The following DUXB variants were observed in gnomAD, a reference collection of about 807,000 sequenced individuals.
The protein encoded by DUXB is double homeobox B.
DUXB carries 22 observed loss-of-function variants against 8.9 expected under a neutral mutation model. The ratio of observed to expected loss-of-function variants is 2.46; its 90% confidence interval spans 1.76 to 3.52. DUXB has a LOEUF of 3.52. Among genes scored for constraint, DUXB ranks in the 30% most tolerant of loss-of-function variants. The pLI is 0.00. For synonymous variants in DUXB, 84 were observed against 37.6 expected (o/e 2.23, Z -4.52); for missense variants, 237 against 108.7 (o/e 2.18, Z -5.25).
chr16:75,698,136 A>G (rs1959194617), intron 2 of DUXB, among the ~76,000 whole-genome samples: 1 of 152,250 alleles, frequency 6.6e-6, no homozygotes, highest in Non-Finnish European at 1.5e-5. Flanking sequence ...AACAAGTGAA[A>G]AAAGTATAAA....
chr16:75,695,849 T>C, intron 4 of DUXB, 112 bp downstream of exon 4: 2 of 623,778 alleles, frequency 3.2e-6, no homozygotes, highest in Non-Finnish European at 5.7e-6. Context: ...CATCCCCCGT[T>C]TCCGCCCTTG....
chr16:75,695,999 G>GT lies in DUXB; in HGVS notation c.402dup (p.Leu135ThrfsTer3), dbSNP rs1567521621. 2.8e-6 allele frequency: 2 copies of GT among 702,828 alleles called. No homozygotes were observed. The highest frequency in any genetic ancestry group is 5.2e-6 in the Non-Finnish European group (2 of 384,998). 43.5% of individuals were successfully genotyped at this position (702,828 alleles called of 1,614,324 possible). A position where few individuals can be genotyped will look rare whatever the true frequency, so the allele number is the denominator to read the frequency against. Reference sequence around the variant, plus strand: ...TCCTGCAGGCCTGTTTGTTCAGCCAGTTTTTTTCTGGTAGCAATATCAGGG... The same window carrying GT: ...TCCTGCAGGCCTGTTTGTTCAGCCAGTTTTTTTTCTGGTAGCAATATCAGGG... On this transcript the variant is annotated frameshift_variant, in exon 4 of 5. Transcript: ENST00000633875. LOFTEE classifies it low-confidence loss of function (END_TRUNC).
chr16:75,700,850 A>C (rs1959206434), intron 1 of DUXB, among the ~76,000 whole-genome samples: 1 of 152,156 alleles, frequency 6.6e-6, no homozygotes, highest in South Asian at 2.1e-4. Context: ...ATAGAGCTAA[A>C]GTCATGCTAA....
intron 4 of DUXB, among the ~76,000 whole-genome samples, chr16:75,695,195 T>C (rs1262687463): frequency 1.2e-4 from 18 of 152,186 alleles, no homozygotes; most frequent in Non-Finnish European, 8.8e-5. Flanking sequence ...AGTTAGCAAT[T>C]AAGTATAGGT....
At chr16:75,699,929 T>C (rs1268709686) in intron 2 of DUXB, 86 bp downstream of exon 2, 3 of 579,036 alleles carry the variant, frequency 5.2e-6, no homozygotes, top group Non-Finnish European at 9.2e-6. Context: ...TATAACCTGA[T>C]ATAAGAGAAT....
In DUXB at chr16:75,696,838, C is replaced by G; in HGVS notation, c.286G>C (p.Glu96Gln). The G allele has an allele frequency of 1.4e-6, 1 of 702,558 alleles. No individual in the cohort carries two copies. The highest frequency in any genetic ancestry group is 2.6e-6 in the Non-Finnish European group (1 of 384,902). 43.5% of individuals were successfully genotyped at this position (702,558 alleles called of 1,614,324 possible). ...GHDQSQHLTQ[E>Q]YLPKEARQKQ... ...AATGGGACCCATTGAGCATTCTTAC[C>G]TTGAGTCAGATGCTGGGACTGGTCA... Residue 96 changes from glutamate (E) to glutamine (Q), a missense_variant and splice_region_variant, in exon 3 of 5, where the codon GAA (glutamate) becomes CAA (glutamine). Physicochemically the swap from Glu to Gln is conservative, Grantham distance 29 (BLOSUM62 2). Coordinates refer to ENST00000633875, the MANE Select transcript of DUXB (RefSeq NM_001351307.2).
At chr16:75,700,256 A>T in intron 1 of DUXB, 87 bp from the exon 2 acceptor site, 1 of 598,076 alleles carries the variant, frequency 1.7e-6, no homozygotes. Flanking sequence ...TTATTTTGAG[A>T]CAGAGTCTCA....
Position 75,694,526 on chromosome 16 carries a change from C to G in DUXB, c.442-1G>C, listed in dbSNP as rs1047513069. 1.4e-6 allele frequency: 1 copy of G among 702,894 alleles called. No homozygotes were observed. The highest frequency in any genetic ancestry group is 2.0e-5 in the Admixed American group (1 of 49,992). 43.5% of individuals were successfully genotyped at this position (702,894 alleles called of 1,614,324 possible). A position where few individuals can be genotyped will look rare whatever the true frequency, so the allele number is the denominator to read the frequency against. On this transcript the variant is annotated splice_acceptor_variant, in intron 4 of 4. Coordinates refer to ENST00000633875, the MANE Select transcript of DUXB (RefSeq NM_001351307.2). LOFTEE classifies it high-confidence loss of function. ...GAGATCTTTGTTTCTGAAACCACAT[C>G]TAAATGAGAAAAAGGGCAACATGAC...
chr16:75,697,209 C>G (rs1225687468), intron 2 of DUXB, among the ~76,000 whole-genome samples: 1 of 152,130 alleles, frequency 6.6e-6, no homozygotes, highest in Non-Finnish European at 1.5e-5. Context: ...TTAGGAGACC[C>G]TATGAGGTCT....
intron 2 of DUXB, chr16:75,698,496 T>C (rs1034667775): frequency 3.3e-5 from 5 of 152,266 alleles, no homozygotes; most frequent in Admixed American, 6.5e-5. Flanking sequence ...GATAGAATTA[T>C]ATTCTTTACA....
chr16:75,696,176 A>G (rs1361835392), intron 3 of DUXB, 61 bp from the exon 4 acceptor site: 3 of 691,350 alleles, frequency 4.3e-6, no homozygotes, highest in Non-Finnish European at 7.9e-6. Flanking sequence ...AAACAAACCC[A>G]TGAAGATAAT....
chr16:75,696,581 A>G (rs2082609168), intron 3 of DUXB, among the ~76,000 whole-genome samples: 1 of 152,154 alleles, frequency 6.6e-6, no homozygotes, highest in Non-Finnish European at 1.5e-5. Context: ...AAAAAAATAA[A>G]AAGCCCCGAG....
intron 2 of DUXB, among the ~76,000 whole-genome samples, chr16:75,698,154 GCAGAGGTAACCTC>G (rs1959194729): frequency 1.3e-5 from 2 of 152,152 alleles, no homozygotes; most frequent in Admixed American, 1.3e-4. Flanking sequence ...AAACACTATG[GCAGAGGTAACCTC>G]CAGCTACGTC....
chr16:75,698,699 T>G (rs946879430), intron 2 of DUXB: 1 of 152,320 alleles, frequency 6.6e-6, no homozygotes, highest in South Asian at 2.1e-4. Context: ...TGTCACCGTA[T>G]TGATGCCAAA....
In DUXB at chr16:75,696,061, T is replaced by C; in HGVS notation, c.341A>G (p.Lys114Arg). 2 of 703,062 alleles carry C rather than the reference T, an allele frequency of 2.8e-6. No individual in the cohort carries two copies. The highest frequency in any genetic ancestry group is 1.5e-5 in the South Asian group (1 of 67,606). The allele number at this position is 703,062 out of a possible 1,614,324, so 43.6% of individuals were successfully genotyped here. A position where few individuals can be genotyped will look rare whatever the true frequency, so the allele number is the denominator to read the frequency against. ...QKQTFITWTQ[K>R]NRLVQAFERN... is the part of the protein sequence containing the mutation. ...CTCAAAGGCTTGCACTAGCCTGTTT[T>C]TTTGAGTCCATGTGATGAATGTCTG... The change falls in exon 4 of 5, where the codon AAA becomes AGA. Residue 114 changes from lysine to arginine, a missense_variant. Transcript: ENST00000633875.
chr16:75,696,280 A>G (rs1025949095), intron 3 of DUXB, among the ~76,000 whole-genome samples, 165 bp from the exon 4 acceptor site: 31 of 152,248 alleles, frequency 2.0e-4, no homozygotes, highest in Admixed American at 3.9e-4. Context: ...GGCTGGGCCC[A>G]GTGGCTTACG....
chr16:75,700,299 G>A (rs1959202947), intron 1 of DUXB, 130 bp from the exon 2 acceptor site: 1 of 531,506 alleles, frequency 1.9e-6, no homozygotes, highest in Non-Finnish European at 3.3e-6. Flanking sequence ...CAGTGATGCA[G>A]TTTCGGGTCA....
chr16:75,694,409 G>T lies in DUXB; in HGVS notation c.558C>A (p.Ile186=). The change falls in exon 5 of 5, where the codon ATC becomes ATA. Residue 186 remains isoleucine, a synonymous_variant. Coordinates refer to ENST00000633875, the MANE Select transcript of DUXB (RefSeq NM_001351307.2). ...AGCTGTCTGTGGGGAGGAACAGGTT[G>T]ATTGGATGCCACCCAACAGTTGCAT... is the stretch of plus-strand genomic sequence containing the variant. ...RPDATVGWHP[I]NLFLPTDSSH... is the part of the protein sequence containing the mutation. 1.4e-6 allele frequency: 1 copy of T among 698,410 alleles called. No individual in the cohort carries two copies. The allele number at this position is 698,410 out of a possible 1,614,324, so 43.3% of individuals were successfully genotyped here.
rs191550088 is a variant in DUXB at position 75,701,434 on chromosome 16, T to C, written c.-16A>G. 5 of 398,522 alleles carry C rather than the reference T, an allele frequency of 1.3e-5. No homozygotes were observed. Among genetic ancestry groups the C allele is most frequent in the Admixed American group, 4.4e-5 (1 of 22,714 alleles). 24.7% of individuals were successfully genotyped at this position (398,522 alleles called of 1,614,324 possible). ...CCAAATTCATCTTGGGCAGAAGACC[T>C]GGACTCCACGGAGATCAGCGAGTAA... On this transcript the variant is annotated 5_prime_UTR_variant, in exon 1 of 5. Coordinates refer to ENST00000633875, the MANE Select transcript of DUXB (RefSeq NM_001351307.2).
Sources: gnomAD v4.1 joint callset for allele counts (sites outside exome capture counted in the v4.1 genomes callset) on GRCh38, gnomAD v4.1.1 for gene constraint, MANE v1.5 for transcripts, NCBI Gene and HGNC (gene_info 2026-07-23, HGNC 2026-07-21) for gene names.